Variants in MCM5 observed in about 807,000 individuals in gnomAD.
MCM5 encodes the protein DNA replication licensing factor MCM5.
MCM5 carries 46 observed loss-of-function variants against 79.9 expected under a neutral mutation model. The observed-to-expected ratio is 0.58, with a 90% confidence interval of 0.45 to 0.74. The LOEUF (loss-of-function observed/expected upper bound fraction) is 0.74, where lower values mean the gene tolerates loss of function less well. Ranked by LOEUF, MCM5 falls within the 30% of genes least tolerant of loss-of-function variation. MCM5 has a pLI of 0.00. For synonymous variants in MCM5, 404 were observed against 390.5 expected, an observed-to-expected ratio of 1.03 and a Z score of -0.41; for missense variants, 883 against 1,017.0, an observed-to-expected ratio of 0.87 and a Z score of 1.79.
chr22:35,453,588 CAG>C, the MCM5 span, among the ~76,000 whole-genome samples: 10 of 148,098 alleles, frequency 6.8e-5, no homozygotes, highest in South Asian at 2.1e-4. Context: ...GAGAGACAGA[CAG>C]AGATAGAGAC....
chr22:35,434,765 G>C, the MCM5 span, among the ~76,000 whole-genome samples: 27 of 152,312 alleles, frequency 1.8e-4, no homozygotes, highest in African/African-American at 6.3e-4. Context: ...GGGTGATCAT[G>C]CCTGTTCACC....
intron 16 of MCM5, 178 bp downstream of exon 16, chr22:35,423,519 A>C: frequency 5.3e-6 from 3 of 565,694 alleles, no homozygotes; most frequent in Non-Finnish European, 5.5e-6. Context: ...GGACATCTTC[A>C]TCAGGAGCAG....
At chr22:35,450,030 T>C in the MCM5 span, among the ~76,000 whole-genome samples, 1 of 152,270 alleles carries the variant, frequency 6.6e-6, no homozygotes, top group Admixed American at 6.5e-5. Flanking sequence ...GCAATCCTCC[T>C]GCCTCAGCCT....
At chr22:35,428,994 T>C (rs1232754108), downstream of MCM5, among the ~76,000 whole-genome samples, 148 of 144,788 alleles carry the variant, frequency 1.0e-3, no homozygotes, top group Non-Finnish European at 1.8e-3. Context: ...TTTTTTTTTT[T>C]TTTCTTTTTT....
chr22:35,402,647 G>A (rs1480221728), intron 2 of MCM5, among the ~76,000 whole-genome samples: 1 of 151,964 alleles, frequency 6.6e-6, no homozygotes, highest in Non-Finnish European at 1.5e-5. Flanking sequence ...TCCACCTCTG[G>A]GGTTCAGGCA....
chr22:35,418,362 A>C (rs2145798400), intron 13 of MCM5, among the ~76,000 whole-genome samples: 1 of 152,284 alleles, frequency 6.6e-6, no homozygotes, highest in East Asian at 1.9e-4. Flanking sequence ...AATAATAATA[A>C]TTATATACAT....
intron 2 of MCM5, among the ~76,000 whole-genome samples, chr22:35,402,629 C>T (rs1932092173): frequency 6.6e-6 from 1 of 151,968 alleles, no homozygotes; most frequent in Admixed American, 6.6e-5. Flanking sequence ...TCTCTGGTCA[C>T]TGCAGCCTCC....
At chr22:35,408,291 T>G (rs1889310560) in intron 5 of MCM5, 117 bp from the exon 6 acceptor site, 1 of 896,916 alleles carries the variant, frequency 1.1e-6, no homozygotes, top group African/African-American at 1.7e-5. Flanking sequence ...CAGCTTATTC[T>G]GGAGACCCCC....
chr22:35,453,799 G>GAGATATATAT, the MCM5 span, among the ~76,000 whole-genome samples: 1 of 91,134 alleles, frequency 1.1e-5, no homozygotes, highest in African/African-American at 5.1e-5. Flanking sequence ...AGAGACAAAA[G>GAGATATATAT]ATATATATAT....
At chr22:35,419,284 G>T (rs1257076943) in intron 13 of MCM5, among the ~76,000 whole-genome samples, 1 of 151,936 alleles carries the variant, frequency 6.6e-6, no homozygotes, top group Non-Finnish European at 1.5e-5. Context: ...TTGAGCTAAG[G>T]CTTTCCCTAC....
chr22:35,453,433 CAG>C, the MCM5 span, among the ~76,000 whole-genome samples: 2 of 151,354 alleles, frequency 1.3e-5, no homozygotes, highest in Admixed American at 6.6e-5. Context: ...GACACAGAGA[CAG>C]AGACAGGGAC....
the MCM5 span, among the ~76,000 whole-genome samples, chr22:35,443,218 G>A: frequency 2.6e-5 from 4 of 152,078 alleles, no homozygotes; most frequent in East Asian, 1.9e-4. Context: ...ATGGAATCTC[G>A]ATCTGTCACC....
At chr22:35,441,075 A>T in the MCM5 span, among the ~76,000 whole-genome samples, 10 of 150,838 alleles carry the variant, frequency 6.6e-5, no homozygotes, top group African/African-American at 2.4e-4. Flanking sequence ...AAAAAAAAAA[A>T]GTAAGATCCC....
chr22:35,454,587 G>A, the MCM5 span, among the ~76,000 whole-genome samples: 1 of 152,132 alleles, frequency 6.6e-6, no homozygotes. Flanking sequence ...GAGAGCAGAC[G>A]GCAGAGTCCC....
intron 10 of MCM5, 53 bp from the exon 11 acceptor site, chr22:35,416,286 C>T: frequency 6.5e-7 from 1 of 1,542,104 alleles, no homozygotes; most frequent in Non-Finnish European, 9.0e-7. Context: ...TTCTACTGCT[C>T]CCTGCTCCCT....
chr22:35,449,574 G>GCC, the MCM5 span, among the ~76,000 whole-genome samples: 14 of 52,596 alleles, frequency 2.7e-4, no homozygotes, highest in Non-Finnish European at 8.8e-4. Flanking sequence ...CCCAGCTGTG[G>GCC]CCTCTCTGTC....
rs1932734037 is a variant in MCM5 at position 35,423,035 on chromosome 22, CAT to C, written c.1976-178_1976-177del. 6 of 508,532 alleles carry C rather than the reference CAT, an allele frequency of 1.2e-5. No individual in the cohort carries two copies. The East Asian group carries it at 2.0e-4, about 17-fold the overall frequency. 31.5% of individuals were successfully genotyped at this position (508,532 alleles called of 1,614,324 possible). A position where few individuals can be genotyped will look rare whatever the true frequency, so the allele number is the denominator to read the frequency against. ...TTGTGCTTGGCCTGGAGTGTCCCCA[CAT>C]GTGCCATATCCTGTCTCCTCAATCA... On this transcript the variant is annotated intron_variant, in intron 15 of 16. Coordinates refer to ENST00000216122, the MANE Select transcript of MCM5 (RefSeq NM_006739.4).
downstream of MCM5, among the ~76,000 whole-genome samples, chr22:35,428,027 T>C (rs1489191552): frequency 6.7e-6 from 1 of 150,322 alleles, no homozygotes; most frequent in Non-Finnish European, 1.5e-5. Flanking sequence ...CTCTCTTTTT[T>C]TTTTTTTTTT....
chr22:35,438,276 T>C, the MCM5 span, among the ~76,000 whole-genome samples: 1 of 70,236 alleles, frequency 1.4e-5, no homozygotes, highest in Non-Finnish European at 2.5e-5. Context: ...CCCACCCACA[T>C]ATTCATCCGT....
Sources: allele counts gnomAD v4.1 joint callset (sites outside exome capture counted in the v4.1 genomes callset), GRCh38; gene constraint gnomAD v4.1.1; transcripts MANE v1.5; gene names NCBI Gene and HGNC (gene_info 2026-07-23, HGNC 2026-07-21).